Variants in PRKD1 observed in about 807,000 individuals in gnomAD.
The protein encoded by PRKD1 is protein kinase D1.
Under a neutral mutation model 95.9 loss-of-function variants are expected in PRKD1, and 63 were observed. That is an observed-to-expected ratio of 0.66 (90% CI 0.54 to 0.81). The LOEUF is 0.81. Among genes scored for constraint, PRKD1 ranks in the 30% least tolerant of loss-of-function variants. The pLI is 0.00. For synonymous variants in PRKD1, 425 were observed against 423.1 expected, an observed-to-expected ratio of 1.00 and a Z score of -0.05; for missense variants, 1,048 against 1,165.3, an observed-to-expected ratio of 0.90 and a Z score of 1.47.
chr14:29,736,984 G>T (rs1886746348), intron 1 of PRKD1, among the ~76,000 whole-genome samples: 1 of 152,164 alleles, frequency 6.6e-6, no homozygotes, highest in Non-Finnish European at 1.5e-5. Context: ...CCATGACTCA[G>T]TCAAGTGGAA....
chr14:29,715,347 A>G (rs1885553323), intron 2 of PRKD1, among the ~76,000 whole-genome samples: 1 of 151,980 alleles, frequency 6.6e-6, no homozygotes, highest in Non-Finnish European at 1.5e-5. Context: ...TTCTATATCA[A>G]TATGGCAGCC....
intron 2 of PRKD1, among the ~76,000 whole-genome samples, chr14:29,683,665 A>T (rs1447047489): frequency 6.6e-6 from 1 of 152,236 alleles, no homozygotes; most frequent in African/African-American, 2.4e-5. Context: ...ATACTATCAA[A>T]TATGGAAAAG....
chr14:29,666,165 G>C lies in PRKD1; in HGVS notation c.447C>G (p.Leu149=). The part of the protein sequence containing the change: ...FEDFQIRPHA[L]FVHSYRAPAF... ...CTGGAGCTCTGTATGAATGAACAAA[G>C]AGAGCGTGGGGACGAATCTGAAAGT... Residue 149 remains leucine (L), a synonymous_variant, in exon 3 of 18, where the codon CTC becomes CTG. Transcript: ENST00000331968. 6.2e-7 allele frequency: 1 copy of C among 1,607,634 alleles called. No individual in the cohort carries two copies. Among genetic ancestry groups the C allele is most frequent in the Non-Finnish European group, 8.5e-7 (1 of 1,175,486 alleles).
intron 1 of PRKD1, among the ~76,000 whole-genome samples, chr14:29,820,433 A>T (rs1249696248): frequency 1.3e-5 from 2 of 152,210 alleles, no homozygotes; most frequent in African/African-American, 2.4e-5. Context: ...AATAGATGAG[A>T]CCAAACATTT....
At chr14:29,856,695 G>A (rs187788228) in intron 1 of PRKD1, among the ~76,000 whole-genome samples, 45 of 152,270 alleles carry the variant, frequency 3.0e-4, no homozygotes, top group African/African-American at 8.7e-4. Context: ...CCAGGAAAGA[G>A]TCCAAGTACC....
chr14:29,801,201 ACTT>A (rs1218992830), intron 1 of PRKD1, among the ~76,000 whole-genome samples: 5 of 152,016 alleles, frequency 3.3e-5, no homozygotes, highest in Admixed American at 3.3e-4. Flanking sequence ...TTGAGGCAAA[ACTT>A]CTTTTCAGTT....
chr14:29,622,184 T>C (rs1211913498), intron 13 of PRKD1, among the ~76,000 whole-genome samples: 1 of 152,078 alleles, frequency 6.6e-6, no homozygotes, highest in Non-Finnish European at 1.5e-5. Flanking sequence ...AATCTAATGC[T>C]GCTGCTGTTC....
chr14:29,666,085 T>G lies in PRKD1; in HGVS notation c.527A>C (p.Lys176Thr). The G allele has an allele frequency of 6.3e-7, 1 of 1,589,568 alleles. No individual in the cohort carries two copies. The highest frequency in any genetic ancestry group is 8.6e-7 in the Non-Finnish European group (1 of 1,163,466). Residue 176 changes from lysine (K) to threonine (T), a missense_variant, in exon 3 of 18, where the codon AAA (lysine) becomes ACA (threonine). Lys to Thr is a moderately conservative substitution (Grantham distance 78). This residue lies in a region of PRKD1 where 275 missense variants were observed against 248.6 expected (regional missense o/e 1.11). Transcript: ENST00000331968. ...GGAAGAAAATAACTTACCTTCACATTTAAGACCTTGACGTACCAGCCCCCA... is the reference window on the plus strand; with the variant it reads ...GGAAGAAAATAACTTACCTTCACATGTAAGACCTTGACGTACCAGCCCCCA... ...MLWGLVRQGLKCEGCGLNYHK... is the reference protein window; with the variant it reads ...MLWGLVRQGLTCEGCGLNYHK...
chr14:29,901,888 A>C lies in PRKD1; in HGVS notation c.264+25361T>G, dbSNP rs563629999. ...TAAGATGCAGAAACTTCATATCCAG[A>C]AGTTAGGAGGCTGCCAAGGATTCCA... On this transcript the variant is annotated intron_variant, in intron 1 of 17. Transcript: ENST00000331968. Among the ~76,000 whole-genome samples the C allele has an allele frequency of 1.6e-3, 242 of 152,316 alleles. 2 individuals are homozygous for C. The highest frequency in any genetic ancestry group is 5.4e-3 in the African/African-American group (226 of 41,572).
intron 1 of PRKD1, among the ~76,000 whole-genome samples, chr14:29,757,621 G>C (rs1887768147): frequency 6.6e-6 from 1 of 151,030 alleles, no homozygotes; most frequent in African/African-American, 2.4e-5. Context: ...AATTTAATTG[G>C]TTTTATTATG....
At chr14:29,882,486 GTTTA>G (rs796556617) in intron 1 of PRKD1, among the ~76,000 whole-genome samples, 5 of 152,218 alleles carry the variant, frequency 3.3e-5, no homozygotes, top group African/African-American at 1.2e-4. Context: ...TTTTTCTCCA[GTTTA>G]TTTATCTTTT....
At chr14:29,667,304 T>G (rs1041510804) in intron 2 of PRKD1, among the ~76,000 whole-genome samples, 10 of 152,176 alleles carry the variant, frequency 6.6e-5, no homozygotes, top group Non-Finnish European at 4.4e-5. Context: ...CCCTTAAAAT[T>G]TAAACTTCCA....
rs557106867 is a variant in PRKD1, at chr14:29,864,543, A to G, written c.264+62706T>C. ...AAAGAAAAGCTACTTTTTCTCCTAA[A>G]AATACCCCCCTTCATCATCAGTGTG... On this transcript the variant is annotated intron_variant, in intron 1 of 17. Transcript: ENST00000331968. 5.9e-5 allele frequency among the ~76,000 whole-genome samples: 9 copies of G among 152,222 alleles called. No individual in the cohort carries two copies. In the East Asian group the frequency reaches 1.7e-3, roughly 29 times the overall value.
chr14:29,668,239 C>T (rs991277308), intron 2 of PRKD1, among the ~76,000 whole-genome samples: 6 of 152,140 alleles, frequency 3.9e-5, no homozygotes, highest in African/African-American at 1.4e-4. Context: ...GAGATAATCA[C>T]TTAGCACAGG....
chr14:29,780,775 C>G (rs1889007283), intron 1 of PRKD1, among the ~76,000 whole-genome samples: 1 of 152,102 alleles, frequency 6.6e-6, no homozygotes, highest in Non-Finnish European at 1.5e-5. Flanking sequence ...TTGACCCAGC[C>G]ATCCCATTAC....
chr14:29,626,131 A>G (rs1436770128), intron 12 of PRKD1, among the ~76,000 whole-genome samples: 1 of 152,202 alleles, frequency 6.6e-6, no homozygotes, highest in African/African-American at 2.4e-5. Context: ...CTTCTGATCA[A>G]GTACGCCAAA....
intron 2 of PRKD1, among the ~76,000 whole-genome samples, chr14:29,720,211 T>C (rs1372468377): frequency 1.3e-5 from 2 of 152,216 alleles, no homozygotes; most frequent in Non-Finnish European, 2.9e-5. Flanking sequence ...CTTTAATTTA[T>C]GTAAACACCT....
intron 2 of PRKD1, among the ~76,000 whole-genome samples, chr14:29,711,172 G>A (rs557251692): frequency 1.3e-5 from 2 of 152,006 alleles, no homozygotes; most frequent in East Asian, 3.9e-4. Context: ...TGGAAAAGGT[G>A]GTATATTGAG....
chr14:29,659,509 A>G (rs1882074649), intron 4 of PRKD1, among the ~76,000 whole-genome samples: 1 of 152,174 alleles, frequency 6.6e-6, no homozygotes, highest in Non-Finnish European at 1.5e-5. Flanking sequence ...GTGTCACACC[A>G]TATGCATGTG....
Sources: gnomAD v4.1 joint callset for allele counts (sites outside exome capture counted in the v4.1 genomes callset) on GRCh38, gnomAD v4.1.1 for gene constraint, gnomAD v4.1.1 regional missense constraint, MANE v1.5 for transcripts, NCBI Gene and HGNC (gene_info 2026-07-23, HGNC 2026-07-21) for gene names.